PPARGC1A: variants seen among roughly 807,000 people sequenced by gnomAD.
The protein encoded by PPARGC1A is peroxisome proliferator-activated receptor gamma coactivator 1-alpha.
A neutral mutation model predicts 88.7 loss-of-function variants in PPARGC1A; 25 were observed. The observed-to-expected ratio is 0.28, with a 90% CI of 0.21 to 0.39. The LOEUF (loss-of-function observed/expected upper bound fraction) is 0.39, where lower values mean the gene tolerates loss of function less well. Ranked by LOEUF, PPARGC1A falls within the 10% of genes least tolerant of loss-of-function variation. The pLI, the probability that PPARGC1A is intolerant of heterozygous loss-of-function variation, is 1.00. For missense variants in PPARGC1A, 880 were observed against 968.7 expected, an observed-to-expected ratio of 0.91 and a Z score of 1.22; for synonymous variants, 363 against 355.6, an observed-to-expected ratio of 1.02 and a Z score of -0.24.
chr4:24,101,109 T>C, the PPARGC1A span, among the ~76,000 whole-genome samples: 1 of 152,318 alleles, frequency 6.6e-6, no homozygotes, highest in Non-Finnish European at 1.5e-5. Flanking sequence ...TCTCCACTGT[T>C]GGAGGTGGGG....
At chr4:24,398,040 T>C in the PPARGC1A span, among the ~76,000 whole-genome samples, 1 of 152,210 alleles carries the variant, frequency 6.6e-6, no homozygotes, top group African/African-American at 2.4e-5. Context: ...GCCTAAGCCT[T>C]AACAAGACCT....
chr4:23,877,939 G>A (rs1311354467), intron 2 of PPARGC1A: 1 of 152,228 alleles, frequency 6.6e-6, no homozygotes, highest in Non-Finnish European at 1.5e-5. Flanking sequence ...ACACATGGTT[G>A]CTATACAAAT....
the PPARGC1A span, among the ~76,000 whole-genome samples, chr4:24,083,279 G>A: frequency 6.6e-6 from 1 of 152,128 alleles, no homozygotes; most frequent in African/African-American, 2.4e-5. Flanking sequence ...CTGAGCTATA[G>A]CTTTTTACAG....
At chr4:23,889,629 GT>G (rs1717506625) in intron 1 of PPARGC1A, among the ~76,000 whole-genome samples, 1 of 152,148 alleles carries the variant, frequency 6.6e-6, no homozygotes, top group Non-Finnish European at 1.5e-5. Flanking sequence ...TTGCATATGA[GT>G]AGAAACAGTG....
At chr4:23,939,020 G>A in the PPARGC1A span, among the ~76,000 whole-genome samples, 4 of 152,110 alleles carry the variant, frequency 2.6e-5, no homozygotes. Context: ...TGGGGTCCAT[G>A]GTGATGACTG....
the PPARGC1A span, among the ~76,000 whole-genome samples, chr4:24,223,855 T>TTTCC: frequency 2.6e-5 from 4 of 152,224 alleles, no homozygotes; most frequent in Non-Finnish European, 4.4e-5. Context: ...AATAAAATGT[T>TTTCC]TTCCTTCCTT....
At chr4:23,993,988 G>C in the PPARGC1A span, among the ~76,000 whole-genome samples, 1 of 152,140 alleles carries the variant, frequency 6.6e-6, no homozygotes, top group Non-Finnish European at 1.5e-5. Context: ...TGTCATTTGT[G>C]TTTGACAATT....
the PPARGC1A span, among the ~76,000 whole-genome samples, chr4:24,110,737 T>G: frequency 4.6e-5 from 7 of 152,224 alleles, no homozygotes; most frequent in African/African-American, 1.7e-4. Flanking sequence ...ATCTCCAATG[T>G]GCCCAGCACT....
chr4:23,978,877 T>A, the PPARGC1A span, among the ~76,000 whole-genome samples: 2 of 152,072 alleles, frequency 1.3e-5, no homozygotes, highest in Non-Finnish European at 2.9e-5. Flanking sequence ...CTTCTTCAAT[T>A]ATAAAAGAGT....
chr4:23,835,229 TATG>T (rs879871006), intron 2 of PPARGC1A, among the ~76,000 whole-genome samples: 1 of 152,238 alleles, frequency 6.6e-6, no homozygotes, highest in African/African-American at 2.4e-5. Context: ...GTAAACAAAC[TATG>T]ATAATTCCAA....
chr4:24,405,319 T>TC, the PPARGC1A span, among the ~76,000 whole-genome samples: 3 of 151,646 alleles, frequency 2.0e-5, no homozygotes, highest in African/African-American at 7.3e-5. Flanking sequence ...TATTTTCCCC[T>TC]CCCCCCAAAA....
At chr4:23,868,516 G>A (rs1295974230) in intron 2 of PPARGC1A, among the ~76,000 whole-genome samples, 1 of 152,202 alleles carries the variant, frequency 6.6e-6, no homozygotes, top group East Asian at 1.9e-4. Flanking sequence ...AATGTGCACA[G>A]CTTTGTGCTA....
chr4:24,445,126 A>G, the PPARGC1A span, among the ~76,000 whole-genome samples: 595 of 152,262 alleles, frequency 3.9e-3, 4 homozygotes, highest in African/African-American at 0.014. Flanking sequence ...ACAATCCTGA[A>G]CAGTGCTTCA....
chr4:24,117,371 G>T, the PPARGC1A span, among the ~76,000 whole-genome samples: 1 of 152,094 alleles, frequency 6.6e-6, no homozygotes, highest in East Asian at 1.9e-4. Context: ...GGACAAGGCC[G>T]AGAACAAACT....
At chr4:24,061,984 A>C in the PPARGC1A span, among the ~76,000 whole-genome samples, 1 of 152,210 alleles carries the variant, frequency 6.6e-6, no homozygotes, top group Non-Finnish European at 1.5e-5. Context: ...TGAAGGCTAC[A>C]TCAGGTCTGG....
chr4:24,176,914 C>G, the PPARGC1A span, among the ~76,000 whole-genome samples: 1 of 152,168 alleles, frequency 6.6e-6, no homozygotes, highest in Admixed American at 6.5e-5. Flanking sequence ...TTAACCTTTT[C>G]AATTCTCTGC....
At chr4:23,927,981 G>C in the PPARGC1A span, among the ~76,000 whole-genome samples, 1 of 152,162 alleles carries the variant, frequency 6.6e-6, no homozygotes, top group Non-Finnish European at 1.5e-5. Flanking sequence ...CAGTTGAGGA[G>C]TTCCAAAAGC....
chr4:24,266,433 T>TTCAG, the PPARGC1A span, among the ~76,000 whole-genome samples: 2 of 152,130 alleles, frequency 1.3e-5, no homozygotes, highest in East Asian at 3.9e-4. Context: ...CATTCATTCA[T>TTCAG]TCAGTCAGTC....
intron 2 of PPARGC1A, among the ~76,000 whole-genome samples, chr4:23,855,407 A>G (rs1275733559): frequency 6.6e-6 from 1 of 152,188 alleles, no homozygotes; most frequent in Non-Finnish European, 1.5e-5. Flanking sequence ...AAACTGGAAC[A>G]TAATTGGCAT....
Sources: gnomAD v4.1 joint callset for allele counts (sites outside exome capture counted in the v4.1 genomes callset) on GRCh38, gnomAD v4.1.1 for gene constraint, MANE v1.5 for transcripts, NCBI Gene and HGNC (gene_info 2026-07-23, HGNC 2026-07-21) for gene names.